The following HYDIN variants were observed in gnomAD, a reference collection of about 807,000 sequenced individuals.
HYDIN encodes the protein axonemal central pair apparatus protein HYDIN.
Under a neutral mutation model 403.9 loss-of-function variants are expected in HYDIN, and 132 were observed. The observed-to-expected ratio is 0.33, with a 90% CI of 0.28 to 0.38. The LOEUF (loss-of-function observed/expected upper bound fraction) is 0.38. HYDIN is among the 10% of genes least tolerant of loss of function. The pLI is 1.00. For missense variants in HYDIN, 2,827 were observed against 5,009.5 expected, an observed-to-expected ratio of 0.56 and a Z score of 13.15; for synonymous variants, 1,202 against 1,891.7, an observed-to-expected ratio of 0.64 and a Z score of 9.46.
chr16:70,859,027 C>T lies in HYDIN; in HGVS notation c.12129+1041G>A, dbSNP rs2039219329. Among the ~76,000 whole-genome samples, 3 of 151,368 alleles carry T rather than the reference C, an allele frequency of 2.0e-5. No individual in the cohort carries two copies. In the South Asian group the frequency reaches 6.3e-4, roughly 32 times the overall value. On this transcript the variant is annotated intron_variant, in intron 71 of 85. Coordinates refer to ENST00000393567, the MANE Select transcript of HYDIN (RefSeq NM_001270974.2). ...ATAGAACTTTGGAATTTTGGTCAGG[C>T]GCAGTGGCTCACACCTGTAATCCCA...
At position 70,943,878 on chromosome 16, in the gene HYDIN, C is replaced by T; in HGVS notation, c.6603G>A (p.Glu2201=). Residue 2201 remains glutamate, a synonymous_variant, in exon 42 of 86, where the codon GAG becomes GAA. Transcript: ENST00000393567. ...GGAGCACACAGCTCATCAGCCCGGT[C>T]TCGCCTCCGACACTGGGACTAACAC... ...WLSVSPSVGG[E]TGLMSCVLPD... 1 of 1,613,744 alleles carries T rather than the reference C, an allele frequency of 6.2e-7. No individual in the cohort carries two copies. Among genetic ancestry groups the T allele is most frequent in the East Asian group, 2.2e-5 (1 of 44,872 alleles).
At chr16:71,165,688 A>C (rs891351257) in intron 5 of HYDIN, among the ~76,000 whole-genome samples, 3 of 152,030 alleles carry the variant, frequency 2.0e-5, no homozygotes, top group Non-Finnish European at 4.4e-5. Flanking sequence ...ACGGGAAATA[A>C]ATCATGATAT....
Position 70,845,923 on chromosome 16 carries a change from CTTCT to C in HYDIN, c.12873+3799_12873+3802del, listed in dbSNP as rs773814595. On this transcript the variant is annotated intron_variant, in intron 75 of 85. Transcript: ENST00000393567. ...CATTTTTGATTGTGTCTATTTGATTCTTCTTTCTTTTTTTCTTTATTAGTCTTGC... is the reference window on the plus strand; with the variant it reads ...CATTTTTGATTGTGTCTATTTGATTCTTCTTTTTTTCTTTATTAGTCTTGC... 3.1e-3 allele frequency among the ~76,000 whole-genome samples: 471 copies of C among 149,902 alleles called. 2 individuals carry two copies. The highest frequency in any genetic ancestry group is 4.8e-3 in the Non-Finnish European group (324 of 67,716).
intron 10 of HYDIN, among the ~76,000 whole-genome samples, chr16:71,110,667 A>C (rs1472226143): frequency 6.6e-6 from 1 of 151,628 alleles, no homozygotes; most frequent in Non-Finnish European, 1.5e-5. Flanking sequence ...CATTGGGAGA[A>C]AACACACACC....
At chr16:71,052,051 T>G (rs2081670050) in intron 18 of HYDIN, among the ~76,000 whole-genome samples, 1 of 152,286 alleles carries the variant, frequency 6.6e-6, no homozygotes, top group Non-Finnish European at 1.5e-5. Flanking sequence ...CCAGTAGATA[T>G]TCATAGTAAA....
chr16:71,221,963 G>A (rs981091194), intron 1 of HYDIN, among the ~76,000 whole-genome samples: 1 of 152,166 alleles, frequency 6.6e-6, no homozygotes, highest in Non-Finnish European at 1.5e-5. Context: ...TTCAAATAAG[G>A]CAAGCAATGA....
In HYDIN at chr16:70,807,042, G is replaced by A. The variant is rs2035137804; in HGVS notation, c.*538C>T. Reference sequence around the variant, plus strand: ...GGATTCGGACACTGATGGTATAAAAGCCAAGAGAAAAAGTGATGGGAGTGT... The same window carrying A: ...GGATTCGGACACTGATGGTATAAAAACCAAGAGAAAAAGTGATGGGAGTGT... On this transcript the variant is annotated 3_prime_UTR_variant, in exon 86 of 86. Coordinates refer to ENST00000393567, the MANE Select transcript of HYDIN (RefSeq NM_001270974.2). Among the ~76,000 whole-genome samples the A allele has an allele frequency of 6.6e-6, 1 of 152,156 alleles. No homozygotes were observed. Among genetic ancestry groups the A allele is most frequent in the African/African-American group, 2.4e-5 (1 of 41,420 alleles).
At chr16:71,195,689 C>T (rs1220282693) in intron 1 of HYDIN, among the ~76,000 whole-genome samples, 1 of 152,212 alleles carries the variant, frequency 6.6e-6, no homozygotes, top group Non-Finnish European at 1.5e-5. Context: ...CCTCTGCTCT[C>T]TTCCCCTTGA....
rs530269031 is a variant in HYDIN, at chr16:71,027,688, C to T, written c.2956G>A (p.Val986Met). 1.8e-4 allele frequency: 284 copies of T among 1,597,154 alleles called. 5 individuals carry two copies. In the South Asian group the frequency reaches 2.8e-3, roughly 15 times the overall value. The part of the protein sequence containing the change: ...SQEPRDPQSP[V>M]FHLHPASMEL... ...ATGCTGGCGGGGTGGAGATGAAACA[C>T]GGGGCTCTGTGGATCCCTGGGCTCC... Residue 986 changes from valine (V) to methionine (M), a missense_variant, in exon 20 of 86, where the codon GTG becomes ATG. Coordinates refer to ENST00000393567, the MANE Select transcript of HYDIN (RefSeq NM_001270974.2).
rs376155258 is a variant in HYDIN, at chr16:71,214,778, T to A, written c.-24+15784A>T. The stretch of plus-strand genomic sequence containing the variant: ...GGGTCCCAGTGGGACAAAACCTCAG[T>A]TGTCCATGTTGATAGCCAACTTAAG... On this transcript the variant is annotated intron_variant, in intron 1 of 85. Transcript: ENST00000393567. Among the ~76,000 whole-genome samples the A allele has an allele frequency of 2.6e-5, 4 of 152,206 alleles. No homozygotes were observed. The East Asian group carries it at 7.7e-4, about 29-fold the overall frequency.
intron 45 of HYDIN, among the ~76,000 whole-genome samples, chr16:70,928,013 C>T (rs2077205820): frequency 6.8e-6 from 1 of 146,466 alleles, no homozygotes; most frequent in Non-Finnish European, 1.5e-5. Context: ...TAAAAGAAAA[C>T]AGACACAAGA....
chr16:71,047,378 T>C (rs1310201451), intron 18 of HYDIN, among the ~76,000 whole-genome samples: 1 of 151,368 alleles, frequency 6.6e-6, no homozygotes, highest in Non-Finnish European at 1.5e-5. Flanking sequence ...TATAAACTGC[T>C]GGAATCTATC....
chr16:71,098,255 G>C (rs1185291051), intron 10 of HYDIN, among the ~76,000 whole-genome samples: 1 of 148,406 alleles, frequency 6.7e-6, no homozygotes, highest in Non-Finnish European at 1.5e-5. Flanking sequence ...AGGCTGGAGT[G>C]CAGTGGTGCG....
intron 23 of HYDIN, among the ~76,000 whole-genome samples, chr16:71,009,230 C>A (rs1203117063): frequency 7.4e-6 from 1 of 134,544 alleles, no homozygotes. Context: ...TAGGACCCGA[C>A]TGAGAATGGA....
At chr16:70,923,748 G>A (rs1321378093) in intron 45 of HYDIN, among the ~76,000 whole-genome samples, 3 of 149,408 alleles carry the variant, frequency 2.0e-5, no homozygotes, top group Admixed American at 2.0e-4. Context: ...ATGAACCAGG[G>A]AGGCAGAGCT....
intron 84 of HYDIN, among the ~76,000 whole-genome samples, chr16:70,817,671 G>A (rs1394052633): frequency 6.6e-6 from 1 of 152,216 alleles, no homozygotes; most frequent in Non-Finnish European, 1.5e-5. Flanking sequence ...AGTAGTGTGT[G>A]TGTGCGCACA....
chr16:70,919,486 T>C (rs781010098), intron 46 of HYDIN, among the ~76,000 whole-genome samples: 2 of 152,024 alleles, frequency 1.3e-5, no homozygotes, highest in Non-Finnish European at 2.9e-5. Context: ...CCGCGGCACA[T>C]GGAAGTCACA....
intron 71 of HYDIN, among the ~76,000 whole-genome samples, chr16:70,858,362 CA>C (rs1202351787): frequency 1.3e-5 from 2 of 151,124 alleles, no homozygotes; most frequent in Non-Finnish European, 3.0e-5. Flanking sequence ...TGGGCCACGG[CA>C]TGCCATAACC....
At chr16:70,854,536 T>A (rs1031588086) in intron 73 of HYDIN, among the ~76,000 whole-genome samples, 2 of 151,822 alleles carry the variant, frequency 1.3e-5, no homozygotes, top group African/African-American at 4.8e-5. Flanking sequence ...TGCCTCAGTC[T>A]CTCGAGTAGC....
Sources: allele counts gnomAD v4.1 joint callset (sites outside exome capture counted in the v4.1 genomes callset), GRCh38; gene constraint gnomAD v4.1.1; transcripts MANE v1.5; gene names NCBI Gene and HGNC (gene_info 2026-07-23, HGNC 2026-07-21).